CADM2: variants seen among roughly 807,000 people sequenced by gnomAD.
The protein encoded by CADM2 is cell adhesion molecule 2.
A neutral mutation model predicts 49.8 loss-of-function variants in CADM2; 12 were observed. The ratio of observed to expected loss-of-function variants is 0.24; its 90% CI spans 0.15 to 0.39. The LOEUF is 0.39. Among genes scored for constraint, CADM2 ranks in the 10% least tolerant of loss-of-function variants. The probability of loss-of-function intolerance (pLI) is 1.00; values close to 1 mark genes in which losing one functional copy is unlikely to be tolerated. For synonymous variants in CADM2, 214 were observed against 175.4 expected (o/e 1.22, Z -1.74); for missense variants, 378 against 492.3 (o/e 0.77, Z 2.20).
At chr3:85,412,789 T>A (rs2035716322) in intron 1 of CADM2, among the ~76,000 whole-genome samples, 2 of 152,146 alleles carry the variant, frequency 1.3e-5, no homozygotes, top group Admixed American at 1.3e-4. Flanking sequence ...GCAAAATGCA[T>A]CACACTACAA....
intron 1 of CADM2, among the ~76,000 whole-genome samples, chr3:85,202,609 A>G (rs916958645): frequency 3.9e-5 from 6 of 152,190 alleles, no homozygotes; most frequent in African/African-American, 9.7e-5. Context: ...TAGATTTAGT[A>G]TAATTCTTAA....
chr3:85,219,191 A>G (rs1413129806), intron 1 of CADM2, among the ~76,000 whole-genome samples: 1 of 152,224 alleles, frequency 6.6e-6, no homozygotes, highest in Non-Finnish European at 1.5e-5. Flanking sequence ...CCAAATGTAA[A>G]CAATGCATGT....
At chr3:84,976,660 G>A (rs1244272093) in intron 1 of CADM2, among the ~76,000 whole-genome samples, 1 of 151,686 alleles carries the variant, frequency 6.6e-6, no homozygotes, top group Non-Finnish European at 1.5e-5. Flanking sequence ...ATACCGAAAT[G>A]CTCTATACAT....
chr3:85,176,509 C>T (rs1211220683), intron 1 of CADM2, among the ~76,000 whole-genome samples: 1 of 151,990 alleles, frequency 6.6e-6, no homozygotes, highest in African/African-American at 2.4e-5. Context: ...GTGCAGTTTG[C>T]TTTGGGGTTT....
intron 1 of CADM2, among the ~76,000 whole-genome samples, chr3:85,403,337 T>A (rs772022354): frequency 1.1e-4 from 17 of 152,154 alleles, no homozygotes; most frequent in Non-Finnish European, 2.4e-4. Flanking sequence ...TTCAGTGGCA[T>A]CCTCACATGT....
At chr3:85,145,823 A>G (rs1289846221) in intron 1 of CADM2, among the ~76,000 whole-genome samples, 1 of 152,162 alleles carries the variant, frequency 6.6e-6, no homozygotes. Flanking sequence ...GATACATTTA[A>G]TTTACATGGA....
chr3:85,663,923 T>C (rs777093386), intron 1 of CADM2, among the ~76,000 whole-genome samples: 70 of 152,170 alleles, frequency 4.6e-4, no homozygotes, highest in Admixed American at 6.6e-4. Flanking sequence ...CAAACTGTTC[T>C]AGTCAATGTC....
intron 1 of CADM2, among the ~76,000 whole-genome samples, chr3:85,683,605 T>C (rs2066102668): frequency 6.6e-6 from 1 of 152,246 alleles, no homozygotes; most frequent in Non-Finnish European, 1.5e-5. Context: ...TTCTTAGTAA[T>C]GCTGAATGTC....
At chr3:85,842,449 A>G in intron 3 of CADM2, among the ~76,000 whole-genome samples, 1 of 152,066 alleles carries the variant, frequency 6.6e-6, no homozygotes, top group East Asian at 1.9e-4. Context: ...TTTCATTTTT[A>G]GTTTTTCAGT....
intron 8 of CADM2, among the ~76,000 whole-genome samples, chr3:86,034,917 A>C (rs1343071688): frequency 6.6e-6 from 1 of 151,714 alleles, no homozygotes; most frequent in Admixed American, 6.6e-5. Flanking sequence ...CTCCACCCCT[A>C]CTTCTGCTGC....
chr3:85,287,986 T>C (rs540310733), intron 1 of CADM2, among the ~76,000 whole-genome samples: 26 of 151,402 alleles, frequency 1.7e-4, no homozygotes, highest in South Asian at 1.5e-3. Context: ...TTAGGAGATA[T>C]ACCTAATGTA....
intron 1 of CADM2, among the ~76,000 whole-genome samples, chr3:84,994,708 C>T (rs75539531): frequency 6.6e-6 from 1 of 152,062 alleles, no homozygotes; most frequent in African/African-American, 2.4e-5. Flanking sequence ...TTTGGATATA[C>T]ATAAAATTTT....
At chr3:85,224,455 T>A (rs1319855507) in intron 1 of CADM2, among the ~76,000 whole-genome samples, 3 of 152,194 alleles carry the variant, frequency 2.0e-5, no homozygotes, top group Admixed American at 6.5e-5. Context: ...TTGTTTGATT[T>A]TTTCCTTGTA....
intron 1 of CADM2, among the ~76,000 whole-genome samples, chr3:85,334,441 C>G (rs751796338): frequency 7.3e-5 from 11 of 151,438 alleles, no homozygotes; most frequent in Non-Finnish European, 1.6e-4. Context: ...GGGAAAGGCA[C>G]AATAAGAATT....
rs2031813992 is a variant in CADM2, at chr3:84,976,358, A to G, written c.61+16690A>G. Among the ~76,000 whole-genome samples, 3 of 151,852 alleles carry G rather than the reference A, an allele frequency of 2.0e-5. No homozygotes were observed. The South Asian group carries it at 6.2e-4, about 31-fold the overall frequency. On this transcript the variant is annotated intron_variant, in intron 1 of 9. Coordinates refer to ENST00000383699, the MANE Select transcript of CADM2 (RefSeq NM_001167675.2). Reference sequence around the variant, plus strand: ...CTATATTTATATTATAGAAAGTTAAATAAGACTATCAGACCAATACCTATT... The same window carrying G: ...CTATATTTATATTATAGAAAGTTAAGTAAGACTATCAGACCAATACCTATT...
intron 1 of CADM2, among the ~76,000 whole-genome samples, chr3:85,483,357 T>TTTACA (rs2039287871): frequency 1.3e-5 from 2 of 151,442 alleles, no homozygotes; most frequent in African/African-American, 2.4e-5. Flanking sequence ...AATATAAGTA[T>TTTACA]CATTTCTTAT....
At chr3:85,814,212 T>C (rs186752806) in intron 3 of CADM2, among the ~76,000 whole-genome samples, 46 of 152,286 alleles carry the variant, frequency 3.0e-4, no homozygotes, top group African/African-American at 1.1e-3. Context: ...TCCTCTCTTA[T>C]TTCCTTGAGC....
intron 1 of CADM2, among the ~76,000 whole-genome samples, chr3:85,224,603 T>G (rs1283099762): frequency 6.6e-6 from 1 of 152,206 alleles, no homozygotes; most frequent in African/African-American, 2.4e-5. Flanking sequence ...CTCTTTAGTT[T>G]AATTAGATCC....
chr3:85,262,849 C>A (rs2043041635), intron 1 of CADM2, among the ~76,000 whole-genome samples: 1 of 149,934 alleles, frequency 6.7e-6, no homozygotes, highest in Non-Finnish European at 1.5e-5. Context: ...AGGATAAAAT[C>A]AAAATGCATT....
Sources: gnomAD v4.1 joint callset for allele counts (sites outside exome capture counted in the v4.1 genomes callset) on GRCh38, gnomAD v4.1.1 for gene constraint, MANE v1.5 for transcripts, NCBI Gene and HGNC (gene_info 2026-07-23, HGNC 2026-07-21) for gene names.